The following DLGAP1 variants were observed in gnomAD, a reference collection of about 807,000 sequenced individuals.
The protein encoded by DLGAP1 is DLG associated protein 1.
In DLGAP1, 11 loss-of-function variants were observed where a neutral mutation model predicts 90.8. The ratio of observed to expected loss-of-function variants is 0.12; its 90% confidence interval spans 0.08 to 0.20. The LOEUF is 0.20. DLGAP1 is among the 10% of genes least tolerant of loss of function. The pLI is 1.00. For synonymous variants in DLGAP1, 558 were observed against 540.7 expected (o/e 1.03, Z -0.44); for missense variants, 1,050 against 1,333.8 (o/e 0.79, Z 3.31).
chr18:3,719,470 T>C (rs537834791), intron 7 of DLGAP1, among the ~76,000 whole-genome samples: 48 of 141,822 alleles, frequency 3.4e-4, no homozygotes, highest in African/African-American at 1.1e-3. Context: ...GGCAGGAGAA[T>C]GGCATGAACC....
intron 4 of DLGAP1, among the ~76,000 whole-genome samples, chr18:3,843,755 T>G (rs923558840): frequency 3.3e-5 from 5 of 152,076 alleles, no homozygotes; most frequent in Non-Finnish European, 5.9e-5. Flanking sequence ...CATTTAAGTA[T>G]AAATAGGTAA....
At chr18:3,902,460 A>G (rs73940259) in intron 3 of DLGAP1, among the ~76,000 whole-genome samples, 1,569 of 152,336 alleles carry the variant, frequency 0.01, 28 homozygotes, top group African/African-American at 0.035. Context: ...ACACTGGCAT[A>G]CAGTAGGTGC....
chr18:4,216,510 G>C (rs2077959913), intron 1 of DLGAP1, among the ~76,000 whole-genome samples: 1 of 151,954 alleles, frequency 6.6e-6, no homozygotes, highest in Admixed American at 6.6e-5. Flanking sequence ...TGCCATACAC[G>C]ACCACATGTA....
intron 1 of DLGAP1, among the ~76,000 whole-genome samples, chr18:4,253,248 G>A (rs1483074925): frequency 1.3e-5 from 2 of 152,124 alleles, no homozygotes; most frequent in East Asian, 3.9e-4. Flanking sequence ...CTAACCCCTT[G>A]CAGGATGCTG....
At chr18:4,413,991 C>T (rs1159617831) in intron 1 of DLGAP1, among the ~76,000 whole-genome samples, 4 of 152,108 alleles carry the variant, frequency 2.6e-5, no homozygotes, top group Non-Finnish European at 4.4e-5. Flanking sequence ...TATGAATGAC[C>T]GTCCCTCATC....
intron 7 of DLGAP1, among the ~76,000 whole-genome samples, chr18:3,630,758 T>C (rs1199563926): frequency 6.6e-6 from 1 of 152,118 alleles, no homozygotes; most frequent in Non-Finnish European, 1.5e-5. Context: ...CATGTCTTAT[T>C]ACTATAGGCT....
intron 7 of DLGAP1, among the ~76,000 whole-genome samples, chr18:3,671,451 C>T (rs1380282517): frequency 6.6e-6 from 1 of 152,178 alleles, no homozygotes; most frequent in Non-Finnish European, 1.5e-5. Context: ...GCCTGGCACA[C>T]GTTAGGTGCT....
intron 2 of DLGAP1, among the ~76,000 whole-genome samples, chr18:4,087,957 G>C (rs1387987028): frequency 6.6e-6 from 1 of 151,756 alleles, no homozygotes; most frequent in Non-Finnish European, 1.5e-5. Flanking sequence ...CATCTGGCTA[G>C]CTGTCTTCTA....
intron 12 of DLGAP1, chr18:3,502,020 T>C (rs994002483): frequency 1.5e-5 from 6 of 388,040 alleles, no homozygotes; most frequent in Admixed American, 6.4e-5. Context: ...ATTTTTAGAC[T>C]TGAACAACAG....
At chr18:4,271,610 A>G (rs1258681188) in intron 1 of DLGAP1, among the ~76,000 whole-genome samples, 1 of 152,176 alleles carries the variant, frequency 6.6e-6, no homozygotes, top group Non-Finnish European at 1.5e-5. Context: ...ATGGTTCAAT[A>G]TTATCATTGT....
chr18:3,713,353 G>A (rs2061657873), intron 7 of DLGAP1, among the ~76,000 whole-genome samples: 1 of 152,200 alleles, frequency 6.6e-6, no homozygotes, highest in African/African-American at 2.4e-5. Flanking sequence ...ATAAGAATGA[G>A]GACAAGGTCA....
In DLGAP1 at chr18:4,405,042, C is replaced by G. The variant is rs1432441675; in HGVS notation, c.-267+49964G>C. Among the ~76,000 whole-genome samples, 3 of 152,128 alleles carry G rather than the reference C, an allele frequency of 2.0e-5. 1 individual carries two copies. Among genetic ancestry groups the G allele is most frequent in the Non-Finnish European group, 4.4e-5 (3 of 68,026 alleles). ...TACGGGGAAAGAACAAGAATATAAG[C>G]AACTACTTAAGTTTAAGTACATTCA... On this transcript the variant is annotated intron_variant, in intron 1 of 12. Transcript: ENST00000315677.
intron 1 of DLGAP1, among the ~76,000 whole-genome samples, chr18:4,410,697 T>C (rs2082758911): frequency 6.6e-6 from 1 of 151,934 alleles, no homozygotes; most frequent in African/African-American, 2.4e-5. Flanking sequence ...TATATATATA[T>C]ATATATAATC....
intron 1 of DLGAP1, among the ~76,000 whole-genome samples, chr18:4,160,197 T>C (rs1227750657): frequency 2.6e-5 from 4 of 152,242 alleles, no homozygotes; most frequent in Non-Finnish European, 4.4e-5. Flanking sequence ...CAAACAAGCA[T>C]TGGGATAAAC....
At position 3,729,337 on chromosome 18, in the gene DLGAP1, C is replaced by T; in HGVS notation, c.1389G>A (p.Val463=). Residue 463 remains valine (V), a synonymous_variant, in exon 7 of 13, where the codon GTG becomes GTA. Coordinates refer to ENST00000315677, the MANE Select transcript of DLGAP1 (RefSeq NM_004746.4). The surrounding 1 kb of genome is among the most constrained non-coding windows in gnomAD (Gnocchi z 6.2). The part of the protein sequence containing the change: ...EMEVNGQFES[V]CESVFSELES... ...CCAGCTCGCTGAACACGGACTCGCA[C>T]ACGGACTCGAACTGCCCGTTCACTT... is the stretch of plus-strand genomic sequence containing the variant. 1 of 1,613,996 alleles carries T rather than the reference C, an allele frequency of 6.2e-7. No homozygotes were observed. The highest frequency in any genetic ancestry group is 2.2e-5 in the East Asian group (1 of 44,872).
intron 2 of DLGAP1, among the ~76,000 whole-genome samples, chr18:4,115,743 C>T (rs948439216): frequency 6.6e-6 from 1 of 152,194 alleles, no homozygotes; most frequent in Non-Finnish European, 1.5e-5. Context: ...GGATTACAGG[C>T]GTAAGCCACC....
intron 3 of DLGAP1, among the ~76,000 whole-genome samples, chr18:3,998,188 CA>C (rs2074107658): frequency 6.6e-6 from 1 of 152,120 alleles, no homozygotes; most frequent in African/African-American, 2.4e-5. Flanking sequence ...GTACTTTTAT[CA>C]AGAGAAACAT....
chr18:3,579,489 C>T (rs2055361695), intron 8 of DLGAP1, among the ~76,000 whole-genome samples: 1 of 152,236 alleles, frequency 6.6e-6, no homozygotes, highest in Non-Finnish European at 1.5e-5. Context: ...GGATTACAGG[C>T]ATGAGCTACT....
chr18:3,844,445 C>T (rs2068890097), intron 4 of DLGAP1, among the ~76,000 whole-genome samples: 1 of 152,174 alleles, frequency 6.6e-6, no homozygotes, highest in African/African-American at 2.4e-5. Context: ...GTATTAAACA[C>T]CAAAAAGCTA....
Sources: gnomAD v4.1 joint callset for allele counts (sites outside exome capture counted in the v4.1 genomes callset) on GRCh38, gnomAD v4.1.1 for gene constraint, Gnocchi (gnomAD v3.1) non-coding constraint, MANE v1.5 for transcripts, NCBI Gene and HGNC (gene_info 2026-07-23, HGNC 2026-07-21) for gene names.